The following CCPG1 variants were observed in gnomAD, a reference collection of about 807,000 sequenced individuals.
The protein encoded by CCPG1 is cell cycle progression 1.
A neutral mutation model predicts 81.3 loss-of-function variants in CCPG1; 46 were observed. That is an observed-to-expected ratio of 0.57 (90% confidence interval 0.45 to 0.72). The LOEUF is 0.72. Among genes scored for constraint, CCPG1 ranks in the 30% least tolerant of loss-of-function variants. The pLI, the probability that CCPG1 is intolerant of heterozygous loss-of-function variation, is 0.00. For missense variants in CCPG1, 902 were observed against 937.6 expected (o/e 0.96, Z 0.50); for synonymous variants, 330 against 305.2 (o/e 1.08, Z -0.85).
intron 6 of CCPG1, among the ~76,000 whole-genome samples, chr15:55,367,133 A>G (rs568382151): frequency 8.5e-5 from 13 of 152,284 alleles, no homozygotes; most frequent in Non-Finnish European, 1.5e-4. Context: ...CTCTCTTTAG[A>G]TTTCTCAATT....
intron 1 of CCPG1, among the ~76,000 whole-genome samples, chr15:55,407,468 G>A (rs1182360609): frequency 1.3e-5 from 2 of 152,162 alleles, no homozygotes; most frequent in Admixed American, 1.3e-4. Flanking sequence ...GTACTATATA[G>A]TTAGCTATTC....
chr15:55,364,657 G>A (rs1430839797), intron 7 of CCPG1, among the ~76,000 whole-genome samples: 1 of 150,656 alleles, frequency 6.6e-6, no homozygotes, highest in South Asian at 2.2e-4. Flanking sequence ...GGTAGACGGA[G>A]GTCAGGAGTT....
At chr15:55,368,469 C>G (rs749327723) in intron 6 of CCPG1, among the ~76,000 whole-genome samples, 14 of 152,106 alleles carry the variant, frequency 9.2e-5, no homozygotes, top group Non-Finnish European at 1.6e-4. Context: ...TGCTCTATAA[C>G]TTAGCATCTA....
Position 55,360,522 on chromosome 15 carries a change from T to C in CCPG1, c.1251A>G (p.Val417=), listed in dbSNP as rs765122248. Residue 417 remains valine (V), a synonymous_variant, in exon 8 of 9, where the codon GTA becomes GTG. Coordinates refer to ENST00000442196, the MANE Select transcript of CCPG1 (RefSeq NM_001204450.2). ...QLHGKSDSPN[V]YTEKKEIAIL... ...TTGCTATTTCCTTTTTTTCAGTATA[T>C]ACATTGGGAGAATCTGACTTGCCAT... is the stretch of plus-strand genomic sequence containing the variant. The C allele has an allele frequency of 2.5e-6, 4 of 1,614,128 alleles. No homozygotes were observed. The highest frequency in any genetic ancestry group is 1.7e-5 in the Admixed American group (1 of 60,008).
chr15:55,370,457 G>T (rs1031959721), intron 6 of CCPG1, among the ~76,000 whole-genome samples: 1 of 152,144 alleles, frequency 6.6e-6, no homozygotes, highest in Non-Finnish European at 1.5e-5. Context: ...CAAAGTTCAG[G>T]TTTCAAATAC....
At chr15:55,365,338 G>T in intron 6 of CCPG1, 29 bp from the exon 7 acceptor site, 1 of 1,309,330 alleles carries the variant, frequency 7.6e-7, no homozygotes, top group Non-Finnish European at 1.1e-6. Context: ...TTAAAGGTAT[G>T]TAACAAAAAT....
At chr15:55,387,483 AATG>A (rs1443469631) in intron 2 of CCPG1, among the ~76,000 whole-genome samples, 1 of 152,184 alleles carries the variant, frequency 6.6e-6, no homozygotes, top group Admixed American at 6.5e-5. Flanking sequence ...TTTTTCTGTT[AATG>A]TTTTCTAAAC....
At chr15:55,398,658 T>G (rs1222685401) in intron 1 of CCPG1, among the ~76,000 whole-genome samples, 1 of 151,998 alleles carries the variant, frequency 6.6e-6, no homozygotes, top group Non-Finnish European at 1.5e-5. Context: ...CTCGGCTCAC[T>G]GCAACCTCTG....
intron 2 of CCPG1, among the ~76,000 whole-genome samples, chr15:55,386,189 G>A (rs1485056441): frequency 4.4e-5 from 4 of 90,500 alleles, no homozygotes; most frequent in East Asian, 2.7e-4. Flanking sequence ...GCAAAATTCC[G>A]TCTCAAAAAA....
chr15:55,381,093 C>T (rs1467108465), intron 3 of CCPG1, among the ~76,000 whole-genome samples: 1 of 151,704 alleles, frequency 6.6e-6, no homozygotes, highest in African/African-American at 2.4e-5. Flanking sequence ...GCCGAGATCC[C>T]GCCACTGCAC....
chr15:55,368,172 G>C (rs2056370876), intron 6 of CCPG1, among the ~76,000 whole-genome samples: 1 of 152,016 alleles, frequency 6.6e-6, no homozygotes, highest in South Asian at 2.1e-4. Flanking sequence ...TTTTGGTATG[G>C]GGGTGCATCC....
rs879777046 is a variant in CCPG1 at position 55,407,042 on chromosome 15, C to CCCCCG, written c.-10+1178_-10+1179insCGGGG. Among the ~76,000 whole-genome samples the CCCCCG allele has an allele frequency of 3.8e-3, 513 of 134,904 alleles. 14 individuals carry two copies. Among genetic ancestry groups the CCCCCG allele is most frequent in the Non-Finnish European group, 6.0e-3 (387 of 64,586 alleles). 88.5% of individuals were successfully genotyped at this position (134,904 alleles called of 152,430 possible). A position where few individuals can be genotyped will look rare whatever the true frequency, so the allele number is the denominator to read the frequency against. ...AGCCTGGCCGACACGTTGAGACCCC[C>CCCCCG]CCCCCCGCCCCGCCGTCTCTACTAA... On this transcript the variant is annotated intron_variant, in intron 1 of 8. Transcript: ENST00000442196.
intron 6 of CCPG1, among the ~76,000 whole-genome samples, chr15:55,368,332 C>A (rs1057455061): frequency 6.6e-6 from 1 of 152,178 alleles, no homozygotes; most frequent in Non-Finnish European, 1.5e-5. Flanking sequence ...TTATCAGATT[C>A]TCTGTCGCTG....
intron 2 of CCPG1, among the ~76,000 whole-genome samples, chr15:55,386,699 C>T (rs1434768333): frequency 1.3e-5 from 2 of 151,946 alleles, no homozygotes; most frequent in African/African-American, 4.8e-5. Context: ...TCGAGACCAT[C>T]CTGGCTAACA....
intron 8 of CCPG1, chr15:55,357,333 C>G (rs1388278565): frequency 2.8e-5 from 28 of 985,020 alleles, no homozygotes; most frequent in African/African-American, 3.5e-5. Flanking sequence ...AATGTTTTTT[C>G]CTTTCCTCTC....
At chr15:55,382,511 CTT>C (rs752529724) in intron 3 of CCPG1, among the ~76,000 whole-genome samples, 25 of 139,806 alleles carry the variant, frequency 1.8e-4, no homozygotes, top group East Asian at 4.2e-4. Flanking sequence ...GGATCCACTT[CTT>C]TTTTTTTTTT....
rs1199127182 is a variant in CCPG1 at position 55,377,017 on chromosome 15, T to C, written c.386A>G (p.Gln129Arg). 1 of 1,613,950 alleles carries C rather than the reference T, an allele frequency of 6.2e-7. No homozygotes were observed. The highest frequency in any genetic ancestry group is 1.1e-5 in the South Asian group (1 of 91,084). The change falls in exon 5 of 9, where the codon CAG becomes CGG. Residue 129 changes from glutamine to arginine, a missense_variant. Around this residue, in one of 3 missense-constraint regions of CCPG1, gnomAD observed 746 missense variants for 728.6 expected, o/e 1.02. Coordinates refer to ENST00000442196, the MANE Select transcript of CCPG1 (RefSeq NM_001204450.2). ...NQEVVIVEEA[Q>R]SSEDFNMGSS... Reference sequence around the variant, plus strand: ...GCCCATGTTAAAGTCTTCTGAACTCTGTGCTTCTTCAACAATGACAACTTC... The same window carrying C: ...GCCCATGTTAAAGTCTTCTGAACTCCGTGCTTCTTCAACAATGACAACTTC...
chr15:55,363,086 G>A (rs2056238971), intron 7 of CCPG1, among the ~76,000 whole-genome samples: 1 of 151,150 alleles, frequency 6.6e-6, no homozygotes, highest in Admixed American at 6.6e-5. Context: ...AGTGACTCAC[G>A]CCTGTAATCC....
At chr15:55,390,155 C>T (rs1338554385) in intron 1 of CCPG1, among the ~76,000 whole-genome samples, 1 of 152,192 alleles carries the variant, frequency 6.6e-6, no homozygotes, top group Admixed American at 6.5e-5. Flanking sequence ...AACTCCTGAC[C>T]TCGTGATCCG....
Sources: gnomAD v4.1 joint callset for allele counts (sites outside exome capture counted in the v4.1 genomes callset) on GRCh38, gnomAD v4.1.1 for gene constraint, gnomAD v4.1.1 regional missense constraint, MANE v1.5 for transcripts, NCBI Gene and HGNC (gene_info 2026-07-23, HGNC 2026-07-21) for gene names.